The following CEP120 variants were observed in gnomAD, a reference collection of about 807,000 sequenced individuals.
CEP120 encodes centrosomal protein of 120 kDa.
A neutral mutation model predicts 126.5 loss-of-function variants in CEP120; 113 were observed. The observed-to-expected ratio is 0.89, with a 90% CI of 0.77 to 1.04. The LOEUF is 1.04. Ranked by LOEUF, CEP120 falls within the 50% of genes least tolerant of loss-of-function variation. The pLI, the probability that CEP120 is intolerant of heterozygous loss-of-function variation, is 0.00. For synonymous variants in CEP120, 400 were observed against 394.3 expected (o/e 1.01, Z -0.17); for missense variants, 1,230 against 1,155.7 (o/e 1.06, Z -0.93).
At chr5:123,417,103 C>G in intron 2 of CEP120, among the ~76,000 whole-genome samples, 1 of 152,098 alleles carries the variant, frequency 6.6e-6, no homozygotes, top group Non-Finnish European at 1.5e-5. Flanking sequence ...TGTATTTTCT[C>G]AGCCTACAAC....
chr5:123,371,269 G>A (rs1281663615), intron 17 of CEP120, among the ~76,000 whole-genome samples: 2 of 152,024 alleles, frequency 1.3e-5, no homozygotes, highest in Admixed American at 6.6e-5. Context: ...GTTTAATGGA[G>A]AACTCACAGT....
In CEP120 at chr5:123,391,298, C is replaced by A; in HGVS notation, c.850G>T (p.Glu284Ter). The A allele has an allele frequency of 6.2e-7, 1 of 1,614,118 alleles. No individual in the cohort carries two copies. ...TTAAGTAATCCAGTTAAAGGTATTT[C>A]TGTACTTCCAAGTGACTGGTCTCCA... ...CCGDQSLGST[E>*]IPLTGLLKKG... Residue 284 changes from glutamate to a stop codon, truncating the protein, a stop_gained, in exon 7 of 20, where the codon GAA (glutamate) becomes TAA (stop). Transcript: ENST00000306467. LOFTEE classifies it high-confidence loss of function.
intron 18 of CEP120, among the ~76,000 whole-genome samples, chr5:123,363,108 C>T (rs1770205407): frequency 6.6e-6 from 1 of 151,540 alleles, no homozygotes; most frequent in Non-Finnish European, 1.5e-5. Flanking sequence ...CTATGCTTTC[C>T]CACTTCATGC....
chr5:123,418,400 C>T lies in CEP120; in HGVS notation c.165G>A (p.Glu55=), dbSNP rs545371945. 4 of 1,611,332 alleles carry T rather than the reference C, an allele frequency of 2.5e-6. No individual in the cohort carries two copies. The highest frequency in any genetic ancestry group is 1.3e-5 in the African/African-American group (1 of 74,978). ...CTTTCCTGTCAATTTCCCAAGCTAA[C>T]TCAGTAGCAAATTCTGGCTGGTCAG... is the stretch of plus-strand genomic sequence containing the variant. ...DHTDQPEFAT[E]LAWEIDRKAL... The change falls in exon 2 of 20, where the codon GAG becomes GAA. Residue 55 remains glutamate, a synonymous_variant. Coordinates refer to ENST00000306467, the MANE Select transcript of CEP120 (RefSeq NM_001375405.1).
In CEP120 at chr5:123,391,332, G is replaced by A. The variant is rs6876883; in HGVS notation, c.816C>T (p.His272=). 704,581 of 1,607,470 alleles carry A rather than the reference G, an allele frequency of 0.44. 155,448 individuals are homozygous for A. Among genetic ancestry groups the A allele is most frequent in the Middle Eastern group, 0.48 (2,902 of 6,048 alleles). The part of the protein sequence containing the change: ...YLALQSKLQI[H]LCCGDQSLGS... The stretch of plus-strand genomic sequence containing the variant: ...CAAGTGACTGGTCTCCACAGCAGAG[G>A]TGAATCTAATATGAAAGGGAAAAAT... Residue 272 remains histidine, a synonymous_variant, in exon 7 of 20, where the codon CAC becomes CAT. Transcript: ENST00000306467.
At chr5:123,379,433 A>T (rs1331219617) in intron 14 of CEP120, among the ~76,000 whole-genome samples, 1 of 152,096 alleles carries the variant, frequency 6.6e-6, no homozygotes, top group Non-Finnish European at 1.5e-5. Flanking sequence ...ATCTTCATTT[A>T]AAAAATTTCT....
intron 9 of CEP120, among the ~76,000 whole-genome samples, chr5:123,387,987 T>C (rs1389675690): frequency 6.6e-6 from 1 of 152,048 alleles, no homozygotes; most frequent in Non-Finnish European, 1.5e-5. Flanking sequence ...AATACAGTTT[T>C]ATAGAAAAAT....
intron 9 of CEP120, 71 bp downstream of exon 9, chr5:123,388,361 T>C: frequency 9.4e-7 from 1 of 1,064,306 alleles, no homozygotes; most frequent in South Asian, 2.1e-5. Flanking sequence ...CATTTCTCTC[T>C]GCAATTCCCC....
At chr5:123,362,958 C>CATT (rs1340039220) in intron 18 of CEP120, among the ~76,000 whole-genome samples, 1 of 151,612 alleles carries the variant, frequency 6.6e-6, no homozygotes, top group East Asian at 1.9e-4. Flanking sequence ...AAAACTGGAC[C>CATT]AGACACTGAA....
chr5:123,422,965 C>T lies in CEP120; in HGVS notation c.34G>A (p.Val12Met), dbSNP rs760631495. The change falls in exon 1 of 20, where the codon GTG becomes ATG. Residue 12 changes from valine to methionine, a missense_variant. Val to Met is a conservative substitution (Grantham distance 21, BLOSUM62 1). Transcript: ENST00000306467. ...VSKSDQLLIV[V>M]SILEGRHFPK... ...GGCTGCTCACCTTCTAGGATGGACACGACGATGAGCAATTGGTCGGATTTG... is the reference window on the plus strand; with the variant it reads ...GGCTGCTCACCTTCTAGGATGGACATGACGATGAGCAATTGGTCGGATTTG... 1.2e-6 allele frequency: 2 copies of T among 1,614,132 alleles called. No individual in the cohort carries two copies. The highest frequency in any genetic ancestry group is 1.7e-6 in the Non-Finnish European group (2 of 1,180,000).
At chr5:123,359,480 T>G (rs189509696) in intron 18 of CEP120, among the ~76,000 whole-genome samples, 33 of 152,232 alleles carry the variant, frequency 2.2e-4, no homozygotes, top group Middle Eastern at 3.4e-3. Context: ...AGCAGACAAC[T>G]TCACTTGAGT....
chr5:123,359,062 T>C (rs1769874564), intron 18 of CEP120, among the ~76,000 whole-genome samples: 1 of 152,078 alleles, frequency 6.6e-6, no homozygotes, highest in Non-Finnish European at 1.5e-5. Context: ...AACAAAGATT[T>C]ACATCCCATG....
chr5:123,408,253 GATA>G (rs1322620220), intron 4 of CEP120, among the ~76,000 whole-genome samples: 1 of 151,772 alleles, frequency 6.6e-6, no homozygotes, highest in Non-Finnish European at 1.5e-5. Context: ...GTAAGCAGAA[GATA>G]ATAATAAAAA....
At chr5:123,367,332 C>A (rs10075809) in intron 17 of CEP120, among the ~76,000 whole-genome samples, 104,069 of 151,658 alleles carry the variant, frequency 0.69, 35,846 homozygotes, top group Middle Eastern at 0.72. Context: ...CAGTCTTTTC[C>A]ACCTATGTAG....
At chr5:123,364,699 G>A in intron 17 of CEP120, 105 bp from the exon 18 acceptor site, 2 of 479,720 alleles carry the variant, frequency 4.2e-6, no homozygotes, top group Non-Finnish European at 7.3e-6. Context: ...AGTTTATACA[G>A]TGTAACATAC....
intron 14 of CEP120, 37 bp from the exon 15 acceptor site, chr5:123,378,465 T>G: frequency 9.0e-7 from 1 of 1,110,818 alleles, no homozygotes; most frequent in Non-Finnish European, 1.3e-6. Flanking sequence ...AAAAGTTACC[T>G]ACCTTCTCCC....
rs1054627309 is a variant in CEP120, at chr5:123,413,190, T to C, written c.322-650A>G. On this transcript the variant is annotated intron_variant, in intron 3 of 19. Coordinates refer to ENST00000306467, the MANE Select transcript of CEP120 (RefSeq NM_001375405.1). ...GGGAGGCTGAGATGGGAGGATTGCT[T>C]GAGCCCGATAAATCAAAGCTGCAGT... Among the ~76,000 whole-genome samples the C allele has an allele frequency of 4.6e-5, 7 of 151,824 alleles. 1 individual carries two copies. Among genetic ancestry groups the C allele is most frequent in the Middle Eastern group, 3.2e-3 (1 of 316 alleles).
At chr5:123,418,612 TTTG>T (rs1189312282) in intron 1 of CEP120, 97 bp from the exon 2 acceptor site, 1 of 1,049,392 alleles carries the variant, frequency 9.5e-7, no homozygotes, top group Non-Finnish European at 1.3e-6. Context: ...TTTTTTTTTT[TTTG>T]AGATGGAGTC....
chr5:123,364,528 G>A lies in CEP120; in HGVS notation c.2548C>T (p.Arg850Ter), dbSNP rs772596480. ...SKLHYKQQWG[R>*]ALKELARLKQ... ...AGTCTGGCAAGTTCTTTCAAAGCTC[G>A]TCCCCACTGCTGCTTGTAATGCAGT... is the stretch of plus-strand genomic sequence containing the variant. The change falls in exon 18 of 20, where the codon CGA (arginine) becomes TGA (stop). Residue 850 changes from arginine (R) to a stop codon, truncating the protein, a stop_gained. Transcript: ENST00000306467. LOFTEE classifies it high-confidence loss of function. 2.0e-5 allele frequency: 32 copies of A among 1,606,540 alleles called. No homozygotes were observed. Among genetic ancestry groups the A allele is most frequent in the East Asian group, 4.5e-5 (2 of 44,614 alleles).
Sources: allele counts gnomAD v4.1 joint callset (sites outside exome capture counted in the v4.1 genomes callset), GRCh38; gene constraint gnomAD v4.1.1; transcripts MANE v1.5; gene names NCBI Gene and HGNC (gene_info 2026-07-23, HGNC 2026-07-21).